Variants in SYNE1 observed in about 807,000 individuals in gnomAD.
SYNE1 encodes the protein spectrin repeat containing nuclear envelope protein 1.
A neutral mutation model predicts 1,111.0 loss-of-function variants in SYNE1; 616 were observed. The observed-to-expected ratio is 0.55, with a 90% CI of 0.52 to 0.59. The LOEUF is 0.59. SYNE1 is among the 20% of genes least tolerant of loss of function. The pLI is 0.00. For missense variants in SYNE1, 10,006 were observed against 10,417.0 expected (o/e 0.96, Z 1.72); for synonymous variants, 3,855 against 3,825.8 (o/e 1.01, Z -0.28).
intron 14 of SYNE1, chr6:152,478,715 T>C (rs2098851079): frequency 6.6e-6 from 1 of 152,148 alleles, no homozygotes; most frequent in Non-Finnish European, 1.5e-5. Context: ...AGATATGAAA[T>C]AGTTGTCCCA....
At position 152,391,322 on chromosome 6, in the gene SYNE1, A is replaced by G; in HGVS notation, c.7959T>C (p.Thr2653=). ...IQDRLACAES[T]LGSKDTLEKR... is the part of the protein sequence containing the mutation. ...TCTCCAGGGTGTCTTTGCTCCCAAG[A>G]GTGCTCTCTGCACAGGCCAGTCTGT... is the stretch of plus-strand genomic sequence containing the variant. Residue 2653 remains threonine (T), a synonymous_variant, in exon 52 of 146, where the codon ACT becomes ACC. Coordinates refer to ENST00000367255, the MANE Select transcript of SYNE1 (RefSeq NM_182961.4). 6.2e-7 allele frequency: 1 copy of G among 1,614,106 alleles called. No individual in the cohort carries two copies. The highest frequency in any genetic ancestry group is 8.5e-7 in the Non-Finnish European group (1 of 1,180,002).
At position 152,442,211 on chromosome 6, in the gene SYNE1, T is replaced by G; in HGVS notation, c.3872A>C (p.Asp1291Ala). The change falls in exon 31 of 146, where the codon GAT becomes GCT. Residue 1291 changes from aspartate (D) to alanine (A), a missense_variant. Asp to Ala is a moderately radical substitution (Grantham distance 126). Around this residue, in one of 7 missense-constraint regions of SYNE1, gnomAD observed 1,971 missense variants for 2,084.1 expected, o/e 0.95. Transcript: ENST00000367255. ...KTKRISAKKR[D>A]VQQQIAQAQQ... ...CGCCTGCGCGATCTGCTGCTGCACA[T>G]CTCTCTTCTTTGCTGAGATCCGCTT... The G allele has an allele frequency of 4.3e-6, 7 of 1,613,522 alleles. No individual in the cohort carries two copies. The South Asian group carries it at 7.7e-5, about 18-fold the overall frequency.
chr6:152,130,718 A>G lies in SYNE1; in HGVS notation c.26153+2T>C. ...AGTGTGGAAACCAGGAGAAGGAGGT[A>G]CCTGCTATGTGGACTGCTGACAGAG... On this transcript the variant is annotated splice_donor_variant, in intron 145 of 145. Coordinates refer to ENST00000367255, the MANE Select transcript of SYNE1 (RefSeq NM_182961.4). LOFTEE classifies it high-confidence loss of function. The G allele has an allele frequency of 6.2e-7, 1 of 1,614,166 alleles. No individual in the cohort carries two copies. Among genetic ancestry groups the G allele is most frequent in the Non-Finnish European group, 8.5e-7 (1 of 1,180,014 alleles).
chr6:152,569,345 T>G (rs1271261086), intron 3 of SYNE1, among the ~76,000 whole-genome samples: 1 of 152,220 alleles, frequency 6.6e-6, no homozygotes, highest in Non-Finnish European at 1.5e-5. Flanking sequence ...GTTATCTAGA[T>G]TCTCCTTTCA....
At chr6:152,170,061 CATTTT>C (rs2064799161) in intron 130 of SYNE1, among the ~76,000 whole-genome samples, 1 of 152,028 alleles carries the variant, frequency 6.6e-6, no homozygotes, top group Non-Finnish European at 1.5e-5. Context: ...GTCTTCAAAA[CATTTT>C]ATTGTCATAA....
intron 144 of SYNE1, among the ~76,000 whole-genome samples, chr6:152,131,361 T>C (rs1005140465): frequency 2.0e-5 from 3 of 148,850 alleles, no homozygotes; most frequent in African/African-American, 7.4e-5. Context: ...AAAAAGATAA[T>C]ACATTTATCA....
At chr6:152,127,887 G>A (rs1407427118) in intron 145 of SYNE1, 1 of 152,158 alleles carries the variant, frequency 6.6e-6, no homozygotes, top group East Asian at 1.9e-4. Flanking sequence ...ATTTTTAAAT[G>A]AGGGCTTTTT....
intron 81 of SYNE1, among the ~76,000 whole-genome samples, chr6:152,324,262 G>A (rs563278574): frequency 6.6e-6 from 1 of 152,192 alleles, no homozygotes; most frequent in Admixed American, 6.5e-5. Flanking sequence ...AACCAGGTGT[G>A]GTGGCGGGTG....
chr6:152,475,756 T>C (rs572193711), intron 14 of SYNE1, among the ~76,000 whole-genome samples: 20 of 152,314 alleles, frequency 1.3e-4, no homozygotes, highest in African/African-American at 3.4e-4. Context: ...GCAAGTGTTA[T>C]AGCAGCTTGT....
intron 3 of SYNE1, among the ~76,000 whole-genome samples, chr6:152,593,446 G>C (rs1302689257): frequency 6.6e-6 from 1 of 152,082 alleles, no homozygotes; most frequent in South Asian, 2.1e-4. Context: ...TTAGGGTGTG[G>C]TGACGGGTGC....
chr6:152,277,782 C>T (rs2093753157), intron 98 of SYNE1: 1 of 448,776 alleles, frequency 2.2e-6, no homozygotes, highest in African/African-American at 2.0e-5. Context: ...AGCAACACTC[C>T]TGGAGTAGCC....
chr6:152,552,591 C>T (rs978995849), intron 3 of SYNE1, among the ~76,000 whole-genome samples: 1 of 152,088 alleles, frequency 6.6e-6, no homozygotes, highest in Non-Finnish European at 1.5e-5. Flanking sequence ...CAACAAAACT[C>T]ATAAATCTCA....
chr6:152,398,095 T>C (rs2154144993), intron 49 of SYNE1, among the ~76,000 whole-genome samples: 1 of 152,282 alleles, frequency 6.6e-6, no homozygotes, highest in Non-Finnish European at 1.5e-5. Context: ...AAAACCTAAC[T>C]TGAGCCTATT....
At chr6:152,623,516 G>A (rs1463673120) in intron 3 of SYNE1, among the ~76,000 whole-genome samples, 1 of 151,976 alleles carries the variant, frequency 6.6e-6, no homozygotes, top group African/African-American at 2.4e-5. Context: ...AACAAAAATT[G>A]ACAAATGGGA....
intron 105 of SYNE1, among the ~76,000 whole-genome samples, chr6:152,248,270 A>T (rs1234280339): frequency 6.6e-6 from 1 of 152,212 alleles, no homozygotes; most frequent in East Asian, 1.9e-4. Flanking sequence ...AGTGTGCAAG[A>T]TGATTTACCA....
intron 131 of SYNE1, among the ~76,000 whole-genome samples, chr6:152,157,951 G>T (rs2061699072): frequency 1.3e-5 from 2 of 152,042 alleles, no homozygotes; most frequent in African/African-American, 2.4e-5. Flanking sequence ...TAGAGACGGG[G>T]TTTCCCCATG....
chr6:152,616,203 T>TA (rs1397491526), intron 3 of SYNE1, among the ~76,000 whole-genome samples: 3 of 152,008 alleles, frequency 2.0e-5, no homozygotes, highest in African/African-American at 7.2e-5. Context: ...CCCGGAAAGA[T>TA]AAAGTTGTAA....
chr6:152,416,779 C>T lies in SYNE1; in HGVS notation c.5658G>A (p.Gln1886=). ...TGGTTGCTTCCACTGTTTGCCTCAGCTGGCGGAGAATGCCGGACAGAGAGG... is the reference window on the plus strand; with the variant it reads ...TGGTTGCTTCCACTGTTTGCCTCAGTTGGCGGAGAATGCCGGACAGAGAGG... ...SHASLSGILR[Q]LRQTVEATNS... is the part of the protein sequence containing the mutation. The change falls in exon 41 of 146, where the codon CAG becomes CAA. Residue 1886 remains glutamine (Q), a synonymous_variant. Transcript: ENST00000367255. The T allele has an allele frequency of 1.2e-6, 2 of 1,614,232 alleles. No individual in the cohort carries two copies. The highest frequency in any genetic ancestry group is 1.7e-6 in the Non-Finnish European group (2 of 1,180,050).
chr6:152,353,883 T>A (rs1356565958), intron 67 of SYNE1, 139 bp from the exon 68 acceptor site: 2 of 1,040,164 alleles, frequency 1.9e-6, no homozygotes, highest in Non-Finnish European at 2.9e-6. Context: ...AAATGCCATA[T>A]GTTATCTTCA....
Sources: gnomAD v4.1 joint callset for allele counts (sites outside exome capture counted in the v4.1 genomes callset) on GRCh38, gnomAD v4.1.1 for gene constraint, gnomAD v4.1.1 regional missense constraint, MANE v1.5 for transcripts, NCBI Gene and HGNC (gene_info 2026-07-23, HGNC 2026-07-21) for gene names.